The following TULP4 variants were observed in gnomAD, a reference collection of about 807,000 sequenced individuals.
TULP4 encodes tubby-related protein 4.
In TULP4, 16 loss-of-function variants were observed where a neutral mutation model predicts 129.0. That is an observed-to-expected ratio of 0.12 (90% CI 0.08 to 0.19). The LOEUF is 0.19. Among genes scored for constraint, TULP4 ranks in the 10% least tolerant of loss-of-function variants. TULP4 has a pLI of 1.00. For missense variants in TULP4, 1,842 were observed against 2,059.1 expected (o/e 0.89, Z 2.04); for synonymous variants, 998 against 854.0 (o/e 1.17, Z -2.94).
intron 1 of TULP4, among the ~76,000 whole-genome samples, chr6:158,399,880 C>T (rs1741023948): frequency 6.6e-6 from 1 of 152,128 alleles, no homozygotes; most frequent in Non-Finnish European, 1.5e-5. Context: ...GACGAAAGAA[C>T]ACTCTAAAAG....
rs1391165979 is a variant in TULP4 at position 158,413,306 on chromosome 6, G to A, written c.381+113G>A. 1 of 1,242,446 alleles carries A rather than the reference G, an allele frequency of 8.0e-7. No homozygotes were observed. The highest frequency in any genetic ancestry group is 2.9e-5 in the Admixed American group (1 of 34,820). 77.0% of individuals were successfully genotyped at this position (1,242,446 alleles called of 1,614,324 possible). On this transcript the variant is annotated intron_variant, in intron 2 of 13. Coordinates refer to ENST00000367097, the MANE Select transcript of TULP4 (RefSeq NM_020245.5). The surrounding 1 kb of genome is among the most constrained non-coding windows in gnomAD (Gnocchi z 4.9). ...CACAGCGCCACGTGCTCCAGAGCTG[G>A]GGGAAGAGAAATCAATCAAATTAGA...
At chr6:158,418,122 C>G (rs609621) in intron 2 of TULP4, among the ~76,000 whole-genome samples, 4,671 of 138,746 alleles carry the variant, frequency 0.034, 236 homozygotes, top group African/African-American at 0.11. Flanking sequence ...TTTTTGGGAG[C>G]GGGGGAGACA....
chr6:158,363,914 A>T (rs1780858630), intron 1 of TULP4, among the ~76,000 whole-genome samples: 1 of 152,158 alleles, frequency 6.6e-6, no homozygotes, highest in Non-Finnish European at 1.5e-5. Context: ...TTGTTTAGAG[A>T]TGCACAGAAT....
chr6:158,503,119 T>C lies in TULP4; in HGVS notation c.3456T>C (p.Ser1152=). ...GGCCCAACCCCTTAAAACTGTCCTC[T>C]CTGATGCTGAGTCAGGGCCAGCACC... The part of the protein sequence containing the change: ...TSGPNPLKLS[S]LMLSQGQHLD... The change falls in exon 13 of 14, where the codon TCT becomes TCC. Residue 1152 remains serine (S), a synonymous_variant. Transcript: ENST00000367097. The surrounding 1 kb of genome is among the most constrained non-coding windows in gnomAD (Gnocchi z 4.3). The C allele has an allele frequency of 6.2e-7, 1 of 1,613,978 alleles. No individual in the cohort carries two copies. Among genetic ancestry groups the C allele is most frequent in the Non-Finnish European group, 8.5e-7 (1 of 1,179,908 alleles).
rs766358002 is a variant in TULP4, at chr6:158,363,919, C to T, written c.253-49146C>T. Among the ~76,000 whole-genome samples, 255 of 151,960 alleles carry T rather than the reference C, an allele frequency of 1.7e-3. 1 individual carries two copies. The highest frequency in any genetic ancestry group is 3.0e-3 in the Non-Finnish European group (205 of 67,986). On this transcript the variant is annotated intron_variant, in intron 1 of 13. Coordinates refer to ENST00000367097, the MANE Select transcript of TULP4 (RefSeq NM_020245.5). ...AAATTTAGTTTTGTTTAGAGATGCACAGAATTTCTCTTTATTTAGATGTAA... is the reference window on the plus strand; with the variant it reads ...AAATTTAGTTTTGTTTAGAGATGCATAGAATTTCTCTTTATTTAGATGTAA...
chr6:158,481,272 G>A lies in TULP4; in HGVS notation c.1469G>A (p.Arg490Gln), dbSNP rs1243789519. 6.8e-6 allele frequency: 11 copies of A among 1,613,646 alleles called. No individual in the cohort carries two copies. The highest frequency in any genetic ancestry group is 6.8e-6 in the Non-Finnish European group (8 of 1,179,814). Residue 490 changes from arginine to glutamine, a missense_variant, in exon 8 of 14, where the codon CGG becomes CAG. Physicochemically the swap from Arg to Gln is conservative, Grantham distance 43. This residue lies in a region of TULP4 where 456 missense variants were observed against 534.3 expected (regional missense o/e 0.85). Transcript: ENST00000367097. ...LRPEFVIMDP[R>Q]TDSKPDEIYG... ...CCAGAGTTCGTCATCATGGACCCGC[G>A]GACAGATAGCAAACCAGGTGGGCCC...
At chr6:158,474,860 G>A (rs1779781086) in intron 6 of TULP4, among the ~76,000 whole-genome samples, 1 of 152,066 alleles carries the variant, frequency 6.6e-6, no homozygotes. Flanking sequence ...TCAGATTTTG[G>A]AGCATTTTGG....
intron 2 of TULP4, among the ~76,000 whole-genome samples, chr6:158,429,375 G>A (rs1244538414): frequency 6.6e-6 from 1 of 152,236 alleles, no homozygotes; most frequent in African/African-American, 2.4e-5. Context: ...CTGACCTCAA[G>A]TAATCTGCCT....
chr6:158,239,063 C>T (rs1777790075), intron 1 of TULP4, among the ~76,000 whole-genome samples: 1 of 129,674 alleles, frequency 7.7e-6, no homozygotes, highest in Non-Finnish European at 1.7e-5. Context: ...GGGGCTGACC[C>T]CCCCACCTCC....
intron 6 of TULP4, among the ~76,000 whole-genome samples, chr6:158,464,906 G>GGGTTTTGCCATTTGCA (rs1583907288): frequency 6.6e-6 from 1 of 152,152 alleles, no homozygotes; most frequent in Non-Finnish European, 1.5e-5. Flanking sequence ...TGCCATTTGC[G>GGGTTTTGCCATTTGCA]GGTTTTGCCA....
At chr6:158,347,773 G>A (rs775205954) in intron 1 of TULP4, among the ~76,000 whole-genome samples, 5 of 152,030 alleles carry the variant, frequency 3.3e-5, no homozygotes, top group African/African-American at 7.2e-5. Context: ...GACTTCCTCC[G>A]GCCTTCCCTG....
chr6:158,254,603 GT>G (rs777053101), intron 1 of TULP4, among the ~76,000 whole-genome samples: 4 of 152,176 alleles, frequency 2.6e-5, no homozygotes, highest in Non-Finnish European at 4.4e-5. Flanking sequence ...TTAACCCCTA[GT>G]TTACAAAGTA....
At chr6:158,443,971 G>A (rs888355959) in intron 3 of TULP4, among the ~76,000 whole-genome samples, 1 of 152,050 alleles carries the variant, frequency 6.6e-6, no homozygotes, top group Non-Finnish European at 1.5e-5. Flanking sequence ...TGTAATCCCA[G>A]CACTTTGGGG....
rs1780457765 is a variant in TULP4, at chr6:158,502,009, C to T, written c.2346C>T (p.Pro782=). Residue 782 remains proline (P), a synonymous_variant, in exon 13 of 14, where the codon CCC becomes CCT. Transcript: ENST00000367097. ...PLSLPPPPQG[P]MQLSTVGHGD... ...CCCTGCCTCCCCCGCCGCAGGGGCC[C>T]ATGCAGCTGTCCACGGTGGGCCATG... The T allele has an allele frequency of 6.2e-7, 1 of 1,613,884 alleles. No individual in the cohort carries two copies. Among genetic ancestry groups the T allele is most frequent in the Middle Eastern group, 1.6e-4 (1 of 6,062 alleles).
chr6:158,348,116 A>G (rs1013233687), intron 1 of TULP4, among the ~76,000 whole-genome samples: 1 of 150,708 alleles, frequency 6.6e-6, no homozygotes, highest in African/African-American at 2.4e-5. Context: ...GATAAATGCC[A>G]TAAATCCACT....
chr6:158,261,372 A>G (rs1481537930), intron 1 of TULP4, among the ~76,000 whole-genome samples: 1 of 152,206 alleles, frequency 6.6e-6, no homozygotes, highest in Non-Finnish European at 1.5e-5. Flanking sequence ...TAAGAAGCAT[A>G]AGCGCTACAA....
chr6:158,329,461 AC>A (rs1309561971), intron 1 of TULP4, among the ~76,000 whole-genome samples: 1 of 41,062 alleles, frequency 2.4e-5, no homozygotes, highest in Non-Finnish European at 5.7e-5. Context: ...CAGAACCTTA[AC>A]ATTAAAAAAA....
chr6:158,343,413 A>G (rs1248551897), intron 1 of TULP4, among the ~76,000 whole-genome samples: 1 of 152,210 alleles, frequency 6.6e-6, no homozygotes, highest in African/African-American at 2.4e-5. Flanking sequence ...TACGGGCTGA[A>G]CATTTGTGTT....
Position 158,503,828 on chromosome 6 carries a change from G to A in TULP4, c.4165G>A (p.Asp1389Asn). Residue 1389 changes from aspartate to asparagine, a missense_variant, in exon 13 of 14, where the codon GAC (aspartate) becomes AAC (asparagine). By Grantham distance (23) the Asp-to-Asn change is conservative. Coordinates refer to ENST00000367097, the MANE Select transcript of TULP4 (RefSeq NM_020245.5). This position sits in a 1 kb window ranked among gnomAD's most constrained non-coding sequence, Gnocchi z 4.3. ...GAAGAAGAAAGTGAAGAGTCAGAAA[G>A]ACCAACTGAAGTCAAAGAAGTTGAA... ...REKKKVKSQK[D>N]QLKSKKLNKT... 1 of 1,614,150 alleles carries A rather than the reference G, an allele frequency of 6.2e-7. No homozygotes were observed. Among genetic ancestry groups the A allele is most frequent in the Non-Finnish European group, 8.5e-7 (1 of 1,180,036 alleles).
Sources: gnomAD v4.1 joint callset for allele counts (sites outside exome capture counted in the v4.1 genomes callset) on GRCh38, gnomAD v4.1.1 for gene constraint, gnomAD v4.1.1 regional missense constraint, Gnocchi (gnomAD v3.1) non-coding constraint, MANE v1.5 for transcripts, NCBI Gene and HGNC (gene_info 2026-07-23, HGNC 2026-07-21) for gene names.